Variants in VIPR1 observed in about 807,000 individuals in gnomAD.
VIPR1 encodes the protein vasoactive intestinal peptide receptor 1, also known as vasoactive intestinal polypeptide receptor 1.
A neutral mutation model predicts 58.8 loss-of-function variants in VIPR1; 59 were observed. That is an observed-to-expected ratio of 1.00 (90% confidence interval 0.81 to 1.25). The LOEUF is 1.25. VIPR1 is among the 50% of genes most tolerant of loss of function. VIPR1 has a pLI of 0.00. For synonymous variants in VIPR1, 251 were observed against 242.1 expected, an observed-to-expected ratio of 1.04 and a Z score of -0.34; for missense variants, 626 against 602.7, an observed-to-expected ratio of 1.04 and a Z score of -0.40.
At chr3:42,535,831 G>A (rs1040404952) in intron 12 of VIPR1, among the ~76,000 whole-genome samples, 14 of 152,174 alleles carry the variant, frequency 9.2e-5, no homozygotes, top group Middle Eastern at 3.4e-3. Flanking sequence ...GTCACCCCTA[G>A]GCAGCATCCC....
chr3:42,519,060 C>G (rs1305757326), intron 2 of VIPR1, among the ~76,000 whole-genome samples, 163 bp from the exon 3 acceptor site: 1 of 152,238 alleles, frequency 6.6e-6, no homozygotes, highest in Non-Finnish European at 1.5e-5. Flanking sequence ...AGGACAGCCC[C>G]GTGCAACCTC....
chr3:42,531,907 G>T (rs1263439764), intron 9 of VIPR1, 38 bp downstream of exon 9: 5 of 1,612,700 alleles, frequency 3.1e-6, no homozygotes, highest in Non-Finnish European at 4.2e-6. Flanking sequence ...TGGGGAAACA[G>T]GCCCAAAGGG....
chr3:42,524,500 G>T (rs974539506), intron 3 of VIPR1, among the ~76,000 whole-genome samples: 1 of 152,192 alleles, frequency 6.6e-6, no homozygotes, highest in African/African-American at 2.4e-5. Context: ...CCAGCCCACG[G>T]CTGCTCTTTC....
intron 11 of VIPR1, 48 bp downstream of exon 11, chr3:42,535,152 A>G: frequency 6.2e-7 from 1 of 1,613,090 alleles, no homozygotes. Context: ...CTTTTAAGGG[A>G]ATTCAACCTG....
chr3:42,496,097 C>T (rs960614749), intron 1 of VIPR1, among the ~76,000 whole-genome samples: 8 of 152,038 alleles, frequency 5.3e-5, no homozygotes, highest in East Asian at 1.9e-4. Context: ...ATTAGCCAGG[C>T]GTGGTGGCGT....
chr3:42,520,366 A>G (rs1320183211), intron 3 of VIPR1, among the ~76,000 whole-genome samples: 1 of 152,196 alleles, frequency 6.6e-6, no homozygotes, highest in Non-Finnish European at 1.5e-5. Context: ...GGACTGACAA[A>G]GTCCAATTTA....
chr3:42,534,762 G>C lies in VIPR1; in HGVS notation c.1011-213G>C, dbSNP rs1314827415. ...TCTTTCTCTCTCATGCTTCCCTCCA[G>C]GCCAGGAGGGCTGGGGGCAGAAGGG... On this transcript the variant is annotated intron_variant, in intron 10 of 12. Transcript: ENST00000325123. The C allele has an allele frequency of 1.5e-5, 8 of 539,570 alleles. No homozygotes were observed. The African/African-American group carries it at 1.5e-4, about 10-fold the overall frequency. 33.4% of individuals were successfully genotyped at this position (539,570 alleles called of 1,614,324 possible).
intron 3 of VIPR1, among the ~76,000 whole-genome samples, chr3:42,520,655 G>A (rs899543609): frequency 1.3e-5 from 2 of 152,006 alleles, no homozygotes; most frequent in African/African-American, 2.4e-5. Flanking sequence ...AGAGTGGGGA[G>A]GACTCATGAG....
chr3:42,519,338 C>G lies in VIPR1; in HGVS notation c.292+8C>G, dbSNP rs750282740. On this transcript the variant is annotated splice_region_variant and intron_variant, in intron 3 of 12. Transcript: ENST00000325123. ...TCTTCTCCTCCATTCAAGGTAAGACCCCTGGGTTGAAGAGGTGATGTGAGT... is the reference window on the plus strand; with the variant it reads ...TCTTCTCCTCCATTCAAGGTAAGACGCCTGGGTTGAAGAGGTGATGTGAGT... The G allele has an allele frequency of 5.6e-6, 9 of 1,596,076 alleles. No individual in the cohort carries two copies. Among genetic ancestry groups the G allele is most frequent in the Non-Finnish European group, 7.7e-6 (9 of 1,171,378 alleles).
chr3:42,531,374 C>T, intron 7 of VIPR1, 97 bp from the exon 8 acceptor site: 1 of 1,312,166 alleles, frequency 7.6e-7, no homozygotes, highest in Non-Finnish European at 1.1e-6. Flanking sequence ...TTCTCTCTCC[C>T]TCCCTCTCCC....
intron 1 of VIPR1, among the ~76,000 whole-genome samples, chr3:42,491,965 G>T (rs1699673862): frequency 6.6e-6 from 1 of 152,186 alleles, no homozygotes; most frequent in South Asian, 2.1e-4. Context: ...AGCAATTGTG[G>T]TGAACAGGTG....
At chr3:42,518,455 T>C (rs1254303513) in intron 2 of VIPR1, among the ~76,000 whole-genome samples, 1 of 152,190 alleles carries the variant, frequency 6.6e-6, no homozygotes, top group African/African-American at 2.4e-5. Flanking sequence ...ACAGCTTGTG[T>C]TGGCCGGGCG....
chr3:42,498,528 A>C (rs1020049050), upstream of VIPR1, among the ~76,000 whole-genome samples: 1 of 152,118 alleles, frequency 6.6e-6, no homozygotes, highest in African/African-American at 2.4e-5. Context: ...ACACACCTAT[A>C]GTTAGCACCA....
chr3:42,510,354 C>T (rs1240572890), intron 1 of VIPR1, among the ~76,000 whole-genome samples: 1 of 152,230 alleles, frequency 6.6e-6, no homozygotes, highest in East Asian at 1.9e-4. Context: ...ACTTCCCTGA[C>T]ATCAGTAGAC....
intron 6 of VIPR1, chr3:42,530,013 T>G (rs1701450294): frequency 6.6e-6 from 1 of 152,264 alleles, no homozygotes. Flanking sequence ...CCCTCCACAC[T>G]TCCATCTGGG....
At chr3:42,513,359 C>G (rs1021135623) in intron 1 of VIPR1, 2 of 172,956 alleles carry the variant, frequency 1.2e-5, no homozygotes, top group Non-Finnish European at 2.5e-5. Flanking sequence ...CGAGCTGGCC[C>G]CACTCATCAG....
chr3:42,519,311 G>A lies in VIPR1; in HGVS notation c.273G>A (p.Lys91=). 1.2e-6 allele frequency: 2 copies of A among 1,609,856 alleles called. No homozygotes were observed. The highest frequency in any genetic ancestry group is 1.7e-6 in the Non-Finnish European group (2 of 1,178,072). ...TCTTGGCCTGTCCCCTCATCTTCAA[G>A]CTCTTCTCCTCCATTCAAGGTAAGA... ...VVVLACPLIF[K]LFSSIQGRNV... is the part of the protein sequence containing the mutation. The change falls in exon 3 of 13, where the codon AAG becomes AAA. Residue 91 remains lysine, a synonymous_variant. Coordinates refer to ENST00000325123, the MANE Select transcript of VIPR1 (RefSeq NM_004624.4).
In VIPR1 at chr3:42,520,747, CCA is replaced by C. The variant is rs536351222; in HGVS notation, c.292+1418_292+1419del. On this transcript the variant is annotated intron_variant, in intron 3 of 12. Coordinates refer to ENST00000325123, the MANE Select transcript of VIPR1 (RefSeq NM_004624.4). Reference sequence around the variant, plus strand: ...CAGATGGCCTTTTCCTCCCTGGACCCCAGTTTCCCCGTTTGTAAAGTGGGGAT... The same window carrying C: ...CAGATGGCCTTTTCCTCCCTGGACCCGTTTCCCCGTTTGTAAAGTGGGGAT... 2.0e-5 allele frequency among the ~76,000 whole-genome samples: 3 copies of C among 152,272 alleles called. No individual in the cohort carries two copies. The South Asian group carries it at 6.2e-4, about 32-fold the overall frequency.
At chr3:42,522,109 T>A (rs1436151496) in intron 3 of VIPR1, among the ~76,000 whole-genome samples, 1,470 of 42,710 alleles carry the variant, frequency 0.034, 17 homozygotes, top group African/African-American at 0.1. Flanking sequence ...ATATTTTTTT[T>A]TTTTTTTTTT....
Sources: allele counts gnomAD v4.1 joint callset (sites outside exome capture counted in the v4.1 genomes callset), GRCh38; gene constraint gnomAD v4.1.1; transcripts MANE v1.5; gene names NCBI Gene and HGNC (gene_info 2026-07-23, HGNC 2026-07-21).